The following DNAJC3 variants were observed in gnomAD, a reference collection of about 807,000 sequenced individuals.
DNAJC3 encodes the protein DnaJ heat shock protein family (Hsp40) member C3, also known as dnaJ homolog subfamily C member 3.
A neutral mutation model predicts 68.6 loss-of-function variants in DNAJC3; 38 were observed. The ratio of observed to expected loss-of-function variants is 0.55; its 90% CI spans 0.43 to 0.73. The LOEUF (loss-of-function observed/expected upper bound fraction) is 0.73. Among genes scored for constraint, DNAJC3 ranks in the 30% least tolerant of loss-of-function variants. The pLI is 0.00. For missense variants in DNAJC3, 526 were observed against 591.9 expected (o/e 0.89, Z 1.16); for synonymous variants, 203 against 204.0 (o/e 1.00, Z 0.04).
intron 1 of DNAJC3, among the ~76,000 whole-genome samples, chr13:95,678,487 A>T (rs2139592830): frequency 6.6e-6 from 1 of 152,288 alleles, no homozygotes; most frequent in South Asian, 2.1e-4. Flanking sequence ...GTAGTGTGGC[A>T]ACATTGGGAC....
At chr13:95,688,949 T>G (rs887859434) in intron 1 of DNAJC3, among the ~76,000 whole-genome samples, 6 of 150,772 alleles carry the variant, frequency 4.0e-5, no homozygotes, top group Non-Finnish European at 8.8e-5. Flanking sequence ...TGTGTGTGTG[T>G]GTGTGTGTGT....
At chr13:95,679,875 C>T (rs902327079) in intron 1 of DNAJC3, among the ~76,000 whole-genome samples, 15 of 152,174 alleles carry the variant, frequency 9.9e-5, no homozygotes, top group African/African-American at 3.6e-4. Flanking sequence ...GAATGTGGAA[C>T]TAAGAGTGGC....
intron 4 of DNAJC3, among the ~76,000 whole-genome samples, chr13:95,756,347 G>A (rs900648679): frequency 1.3e-5 from 2 of 152,098 alleles, no homozygotes; most frequent in Admixed American, 6.6e-5. Context: ...CAATCATTCC[G>A]GGAAACCCTC....
chr13:95,708,744 TCTC>T (rs1228034773), intron 1 of DNAJC3, among the ~76,000 whole-genome samples: 1 of 152,172 alleles, frequency 6.6e-6, no homozygotes, highest in African/African-American at 2.4e-5. Flanking sequence ...ATCATGTCTG[TCTC>T]CTCCCACGAT....
At position 95,764,645 on chromosome 13, in the gene DNAJC3, CATATATATATATATAT is replaced by C. The variant is rs755441205; in HGVS notation, c.1075+716_1075+731del. On this transcript the variant is annotated intron_variant, in intron 9 of 11. Transcript: ENST00000602402. ...TATACAGTTTTTGAAAAATAGAATC[CATATATATATATATAT>C]ATATATATATATATATATATATACA... 3.1e-3 allele frequency among the ~76,000 whole-genome samples: 178 copies of C among 56,518 alleles called. 2 individuals carry two copies. The highest frequency in any genetic ancestry group is 0.014 in the Middle Eastern group (1 of 72). 37.1% of individuals were successfully genotyped at this position (56,518 alleles called of 152,430 possible).
chr13:95,772,213 A>T (rs1883177787), intron 9 of DNAJC3, among the ~76,000 whole-genome samples: 2 of 152,334 alleles, frequency 1.3e-5, no homozygotes, highest in African/African-American at 4.8e-5. Context: ...GCAGAAAAGC[A>T]TTCAGTGTTT....
intron 9 of DNAJC3, among the ~76,000 whole-genome samples, chr13:95,770,759 CT>C: frequency 6.6e-6 from 1 of 152,300 alleles, no homozygotes; most frequent in East Asian, 1.9e-4. Context: ...GTTCAGCCCT[CT>C]TTACTGAGCT....
At chr13:95,725,119 TA>T (rs1171703613) in intron 3 of DNAJC3, 58 bp from the exon 4 acceptor site, 2 of 1,199,860 alleles carry the variant, frequency 1.7e-6, no homozygotes, top group Admixed American at 2.7e-5. Context: ...TCTTCGTGTT[TA>T]AAAAAGATTT....
rs1483217016 is a variant in DNAJC3 at position 95,794,660 on chromosome 13, TAA to T, written c.*3631_*3632del. The T allele has an allele frequency of 6.6e-6, 1 of 152,248 alleles. No individual in the cohort carries two copies. The highest frequency in any genetic ancestry group is 1.5e-5 in the Non-Finnish European group (1 of 68,038). The allele number at this position is 152,248 out of a possible 1,614,324, so 9.4% of individuals were successfully genotyped here. A position where few individuals can be genotyped will look rare whatever the true frequency, so the allele number is the denominator to read the frequency against. On this transcript the variant is annotated 3_prime_UTR_variant, in exon 12 of 12. Transcript: ENST00000602402. ...GATCTCATTTGCTGAATGATTGATT[TAA>T]GAGTAAAATTAGCCACTGCGTGGCT...
chr13:95,691,839 G>T (rs567351515), intron 1 of DNAJC3, among the ~76,000 whole-genome samples: 6 of 152,228 alleles, frequency 3.9e-5, no homozygotes, highest in African/African-American at 1.4e-4. Context: ...GATCACTCGC[G>T]GTTAGGAGCT....
intron 2 of DNAJC3, among the ~76,000 whole-genome samples, chr13:95,719,539 A>C (rs1414098522): frequency 6.6e-6 from 1 of 152,268 alleles, no homozygotes; most frequent in East Asian, 1.9e-4. Context: ...GAAACTATCT[A>C]GTGCCCAGCT....
intron 4 of DNAJC3, among the ~76,000 whole-genome samples, chr13:95,756,443 C>A (rs1882663669): frequency 6.6e-6 from 1 of 152,086 alleles, no homozygotes; most frequent in Non-Finnish European, 1.5e-5. Flanking sequence ...TTAAAACAGA[C>A]AAAATAGAAT....
intron 1 of DNAJC3, among the ~76,000 whole-genome samples, chr13:95,682,331 C>T (rs1266131642): frequency 6.6e-6 from 1 of 152,040 alleles, no homozygotes; most frequent in Non-Finnish European, 1.5e-5. Context: ...GAATAACCAT[C>T]TCTCTCTCTG....
chr13:95,690,208 A>T (rs1411892263), intron 1 of DNAJC3, among the ~76,000 whole-genome samples: 1 of 151,968 alleles, frequency 6.6e-6, no homozygotes, highest in Non-Finnish European at 1.5e-5. Context: ...TGCTGCCTTC[A>T]AGCATCTGTT....
intron 4 of DNAJC3, among the ~76,000 whole-genome samples, chr13:95,730,194 A>G (rs188772278): frequency 2.6e-5 from 4 of 152,056 alleles, no homozygotes; most frequent in African/African-American, 7.2e-5. Context: ...GGATCTTGCT[A>G]TGTTGCCCAG....
rs1400817799 is a variant in DNAJC3 at position 95,794,732 on chromosome 13, CACTT to C, written c.*3705_*3708del. 2 of 152,202 alleles carry C rather than the reference CACTT, an allele frequency of 1.3e-5. No individual in the cohort carries two copies. The highest frequency in any genetic ancestry group is 2.9e-5 in the Non-Finnish European group (2 of 68,032). The allele number at this position is 152,202 out of a possible 1,614,324, so 9.4% of individuals were successfully genotyped here. On this transcript the variant is annotated 3_prime_UTR_variant, in exon 12 of 12. Coordinates refer to ENST00000602402, the MANE Select transcript of DNAJC3 (RefSeq NM_006260.5). ...TTGTTGCACTTGTCTGTGGCTGAAA[CACTT>C]ACCTGCAGTGGAAAGCCGAGCAAGG... is the stretch of plus-strand genomic sequence containing the variant.
intron 9 of DNAJC3, among the ~76,000 whole-genome samples, chr13:95,767,457 G>T (rs769957148): frequency 7.2e-5 from 11 of 152,052 alleles, no homozygotes; most frequent in Non-Finnish European, 1.5e-4. Context: ...CTGCCTTTTG[G>T]CTATTGGAGT....
chr13:95,721,399 C>T (rs1161674088), intron 2 of DNAJC3, among the ~76,000 whole-genome samples: 1 of 152,048 alleles, frequency 6.6e-6, no homozygotes, highest in Non-Finnish European at 1.5e-5. Context: ...ATATTTGACC[C>T]TTCTTTTTAT....
intron 9 of DNAJC3, among the ~76,000 whole-genome samples, chr13:95,768,948 C>G (rs1273629021): frequency 6.6e-6 from 1 of 152,038 alleles, no homozygotes; most frequent in Non-Finnish European, 1.5e-5. Flanking sequence ...GCATTCCAGC[C>G]TGGGCAACAT....
Sources: gnomAD v4.1 joint callset for allele counts (sites outside exome capture counted in the v4.1 genomes callset) on GRCh38, gnomAD v4.1.1 for gene constraint, MANE v1.5 for transcripts, NCBI Gene and HGNC (gene_info 2026-07-23, HGNC 2026-07-21) for gene names.